The following AFF2 variants were observed in gnomAD, a reference collection of about 807,000 sequenced individuals.
AFF2 encodes ALF transcription elongation factor 2.
In AFF2, 14 loss-of-function variants were observed where a neutral mutation model predicts 76.9. The observed-to-expected ratio is 0.18, with a 90% CI of 0.12 to 0.28. AFF2 has a LOEUF of 0.28. AFF2 is among the 10% of genes least tolerant of loss of function. The pLI, the probability that AFF2 is intolerant of heterozygous loss-of-function variation, is 1.00. For synonymous variants in AFF2, 398 were observed against 366.7 expected, an observed-to-expected ratio of 1.09 and a Z score of -0.98; for missense variants, 868 against 1,001.1, an observed-to-expected ratio of 0.87 and a Z score of 1.79.
intron 19 of AFF2, among the ~76,000 whole-genome samples, chrX:148,987,114 A>G (rs1474612579): frequency 9.0e-6 from 1 of 111,403 alleles, no homozygotes; most frequent in Admixed American, 9.5e-5. Context: ...TGTATCCACT[A>G]GAGCCCCTGG....
chrX:148,869,732 A>T (rs1257745817), intron 7 of AFF2, among the ~76,000 whole-genome samples: 1 of 111,979 alleles, frequency 8.9e-6, no homozygotes. Context: ...CTGTCTTCCT[A>T]ACTTCCAGAT....
chrX:148,540,707 C>T (rs782496910), intron 1 of AFF2, among the ~76,000 whole-genome samples: 2 of 110,959 alleles, frequency 1.8e-5, no homozygotes, highest in Non-Finnish European at 3.8e-5. Flanking sequence ...TTACTGGTTC[C>T]CTAGTGGCCT....
chrX:148,595,418 A>G (rs905867937), intron 1 of AFF2, among the ~76,000 whole-genome samples: 7 of 112,213 alleles, frequency 6.2e-5, no homozygotes, highest in African/African-American at 2.3e-4. Context: ...GACAGTGGTG[A>G]AGAGAATCCC....
At chrX:148,524,481 T>C (rs1157982658) in intron 1 of AFF2, among the ~76,000 whole-genome samples, 1 of 111,722 alleles carries the variant, frequency 9.0e-6, no homozygotes, top group Non-Finnish European at 1.9e-5. Context: ...AAATAATTTT[T>C]AAAGTACCAG....
chrX:148,829,421 C>A (rs1336945574), intron 4 of AFF2, among the ~76,000 whole-genome samples: 1 of 111,628 alleles, frequency 9.0e-6, no homozygotes, highest in Non-Finnish European at 1.9e-5. Context: ...CTAGGAAAGT[C>A]TATGGTTCCA....
At chrX:148,759,462 T>A (rs912956385) in intron 3 of AFF2, among the ~76,000 whole-genome samples, 72 of 112,347 alleles carry the variant, frequency 6.4e-4, no homozygotes, top group Non-Finnish European at 6.9e-4. Flanking sequence ...CCAAGAAATA[T>A]TGTAGAATGA....
At chrX:148,856,882 A>G (rs2070792391) in intron 7 of AFF2, among the ~76,000 whole-genome samples, 1 of 112,535 alleles carries the variant, frequency 8.9e-6, no homozygotes, top group Non-Finnish European at 1.9e-5. Context: ...ATAAAATTTC[A>G]TGGAATAGCC....
intron 1 of AFF2, among the ~76,000 whole-genome samples, chrX:148,501,613 C>A (rs1361089125): frequency 8.8e-6 from 1 of 113,276 alleles, no homozygotes; most frequent in African/African-American, 3.2e-5. Context: ...TGGTGGCCAC[C>A]GCCCCCGCTG....
Position 148,775,589 on chromosome X carries a change from CTG to C in AFF2, c.1042-34284_1042-34283del, listed in dbSNP as rs782310962. On this transcript the variant is annotated intron_variant, in intron 3 of 20. Transcript: ENST00000370460. ...GGTTAGAAGTCCAAAATCAAGGTGA[CTG>C]TGGAACTTTCCAGAAGCTTTTGGAG... is the stretch of plus-strand genomic sequence containing the variant. Among the ~76,000 whole-genome samples, 5 of 111,975 alleles carry C rather than the reference CTG, an allele frequency of 4.5e-5. No homozygotes were observed. In the South Asian group the frequency reaches 1.5e-3, roughly 34 times the overall value.
chrX:148,522,404 T>G (rs2052612168), intron 1 of AFF2, among the ~76,000 whole-genome samples: 1 of 112,241 alleles, frequency 8.9e-6, no homozygotes, highest in Admixed American at 9.4e-5. Flanking sequence ...TATTAAGAGG[T>G]GAGAGTGGAC....
intron 3 of AFF2, among the ~76,000 whole-genome samples, chrX:148,735,967 A>G (rs1557265043): frequency 1.8e-5 from 2 of 112,209 alleles, no homozygotes; most frequent in Non-Finnish European, 3.8e-5. Context: ...TTATGGCTGC[A>G]TAGTATTCAA....
chrX:148,551,984 G>A (rs1477015654), intron 1 of AFF2, among the ~76,000 whole-genome samples: 5 of 112,246 alleles, frequency 4.5e-5, no homozygotes, highest in African/African-American at 6.5e-5. Context: ...CCAATACTCC[G>A]GAGAGCTTTC....
At chrX:148,696,876 G>A (rs944343430) in intron 3 of AFF2, among the ~76,000 whole-genome samples, 4 of 111,840 alleles carry the variant, frequency 3.6e-5, no homozygotes, top group Non-Finnish European at 3.8e-5. Flanking sequence ...GTTGGCCAGA[G>A]GCAATTTTTG....
chrX:148,930,175 G>T (rs1350405375), intron 9 of AFF2, among the ~76,000 whole-genome samples: 3 of 112,234 alleles, frequency 2.7e-5, no homozygotes, highest in Non-Finnish European at 3.8e-5. Flanking sequence ...ATGTATAAGT[G>T]ATAAGAGGCT....
At chrX:148,601,505 C>T (rs148665432) in intron 1 of AFF2, among the ~76,000 whole-genome samples, 2,130 of 111,778 alleles carry the variant, frequency 0.019, 27 homozygotes, top group Non-Finnish European at 0.031. Context: ...GTTTTAAGTT[C>T]ATCTTCCTTT....
At chrX:148,908,631 A>G (rs909828672) in intron 9 of AFF2, among the ~76,000 whole-genome samples, 3 of 112,000 alleles carry the variant, frequency 2.7e-5, no homozygotes, top group African/African-American at 6.5e-5. Flanking sequence ...TGAGCATACA[A>G]TGAAAATTGT....
chrX:148,874,368 AT>A (rs1482159831), intron 7 of AFF2, among the ~76,000 whole-genome samples: 8 of 111,225 alleles, frequency 7.2e-5, no homozygotes, highest in African/African-American at 2.6e-4. Flanking sequence ...CTCTTTTCAC[AT>A]ATTATTTCAG....
intron 7 of AFF2, among the ~76,000 whole-genome samples, chrX:148,881,737 A>G (rs2071098946): frequency 9.0e-6 from 1 of 110,794 alleles, no homozygotes; most frequent in Admixed American, 9.6e-5. Context: ...TATTATTCCC[A>G]CCTCTACAAC....
At chrX:148,919,595 A>G (rs1557282986) in intron 9 of AFF2, among the ~76,000 whole-genome samples, 1 of 110,721 alleles carries the variant, frequency 9.0e-6, no homozygotes, top group Admixed American at 9.6e-5. Context: ...AGAATAATAT[A>G]GAAAATGAAT....
Sources: gnomAD v4.1 joint callset for allele counts (sites outside exome capture counted in the v4.1 genomes callset) on GRCh38, gnomAD v4.1.1 for gene constraint, MANE v1.5 for transcripts, NCBI Gene and HGNC (gene_info 2026-07-23, HGNC 2026-07-21) for gene names.